LIMCH1: variants seen among roughly 807,000 people sequenced by gnomAD.
LIMCH1 encodes the protein LIM and calponin homology domains 1.
LIMCH1 carries 113 observed loss-of-function variants against 176.5 expected under a neutral mutation model. The observed-to-expected ratio is 0.64, with a 90% CI of 0.55 to 0.75. LIMCH1 has a LOEUF of 0.75. Among genes scored for constraint, LIMCH1 ranks in the 30% least tolerant of loss-of-function variants. The probability of loss-of-function intolerance (pLI) is 0.00; values close to 1 mark genes in which losing one functional copy is unlikely to be tolerated. For missense variants in LIMCH1, 1,674 were observed against 1,814.9 expected (o/e 0.92, Z 1.41); for synonymous variants, 619 against 645.9 (o/e 0.96, Z 0.63).
chr4:41,402,785 A>G (rs1345250018), intron 1 of LIMCH1, among the ~76,000 whole-genome samples: 2 of 137,962 alleles, frequency 1.4e-5, no homozygotes, highest in Admixed American at 7.9e-5. Flanking sequence ...ATGAGAACAC[A>G]TGGACACAGG....
intron 1 of LIMCH1, among the ~76,000 whole-genome samples, chr4:41,493,467 A>T (rs1219038504): frequency 6.6e-6 from 1 of 151,996 alleles, no homozygotes; most frequent in African/African-American, 2.4e-5. Flanking sequence ...AAAAAAAAGC[A>T]TCTGTTTTTG....
In LIMCH1 at chr4:41,626,841, G is replaced by A. The variant is rs1484026022; in HGVS notation, c.859G>A (p.Glu287Lys). 6.5e-7 allele frequency: 1 copy of A among 1,536,204 alleles called. No homozygotes were observed. Among genetic ancestry groups the A allele is most frequent in the Non-Finnish European group, 8.7e-7 (1 of 1,146,942 alleles). Residue 287 changes from glutamate (E) to lysine (K), a missense_variant, in exon 8 of 32, where the codon GAG becomes AAG. This residue lies in a region of LIMCH1 where 655 missense variants were observed against 692.2 expected (regional missense o/e 0.95). Coordinates refer to ENST00000503057, the MANE Select transcript of LIMCH1 (RefSeq NM_001330672.2). The stretch of plus-strand genomic sequence containing the variant: ...AGTTGTGTGTCGACTGCCTGATCTT[G>A]AGAAGGATGACTTTGCTGCAAGGAG... ...GEVVCRLPDL[E>K]KDDFAARRAR...
intron 1 of LIMCH1, among the ~76,000 whole-genome samples, chr4:41,541,771 A>G (rs1036490762): frequency 2.6e-5 from 4 of 152,200 alleles, no homozygotes; most frequent in African/African-American, 9.6e-5. Context: ...CATGTTTTAC[A>G]TGGCTGTGCT....
intron 20 of LIMCH1, among the ~76,000 whole-genome samples, chr4:41,665,798 A>G (rs1560294098): frequency 6.6e-6 from 1 of 152,252 alleles, no homozygotes; most frequent in Non-Finnish European, 1.5e-5. Flanking sequence ...GCTAATCAGA[A>G]GCAACAAACC....
chr4:41,589,816 C>T (rs145421666), intron 1 of LIMCH1, among the ~76,000 whole-genome samples: 70 of 152,288 alleles, frequency 4.6e-4, no homozygotes, highest in African/African-American at 1.6e-3. Flanking sequence ...TCTGCAGGGG[C>T]CTTGCTTCTC....
At chr4:41,526,274 T>C (rs2076645319) in intron 3 of LIMCH1, among the ~76,000 whole-genome samples, 1 of 151,514 alleles carries the variant, frequency 6.6e-6, no homozygotes, top group African/African-American at 2.4e-5. Flanking sequence ...TTTTTTTTTT[T>C]TTGCCCCTTT....
At chr4:41,536,987 G>C (rs1166077050), upstream of LIMCH1, among the ~76,000 whole-genome samples, 1 of 152,166 alleles carries the variant, frequency 6.6e-6, no homozygotes, top group African/African-American at 2.4e-5. Context: ...CTGAAACTCT[G>C]CATATTATCT....
chr4:41,384,163 T>A (rs978544951), intron 1 of LIMCH1, among the ~76,000 whole-genome samples: 1 of 150,344 alleles, frequency 6.7e-6, no homozygotes, highest in Non-Finnish European at 1.5e-5. Flanking sequence ...GAGTGGGAGG[T>A]GAGAGGGATT....
chr4:41,601,182 T>C (rs2089857048), intron 2 of LIMCH1, among the ~76,000 whole-genome samples: 1 of 152,194 alleles, frequency 6.6e-6, no homozygotes. Context: ...ACTAGAGAAA[T>C]AGAATGAACT....
At chr4:41,598,522 C>A (rs2089331963) in intron 1 of LIMCH1, among the ~76,000 whole-genome samples, 2 of 150,778 alleles carry the variant, frequency 1.3e-5, no homozygotes, top group Admixed American at 6.6e-5. Flanking sequence ...AGATGAAAAA[C>A]CTTTTTAAAA....
At chr4:41,499,103 A>G (rs2072747432) in intron 2 of LIMCH1, among the ~76,000 whole-genome samples, 1 of 152,246 alleles carries the variant, frequency 6.6e-6, no homozygotes, top group African/African-American at 2.4e-5. Context: ...TGGGCAGTGC[A>G]AAATGCTATT....
intron 27 of LIMCH1, 28 bp downstream of exon 27, chr4:41,684,546 C>T (rs1719006877): frequency 2.5e-6 from 4 of 1,609,870 alleles, no homozygotes; most frequent in Non-Finnish European, 3.4e-6. Context: ...CAGTTTCATT[C>T]AATGTTTAAA....
chr4:41,699,462 C>G lies in LIMCH1; in HGVS notation c.*2277C>G, dbSNP rs528651621. On this transcript the variant is annotated 3_prime_UTR_variant, in exon 32 of 32. Coordinates refer to ENST00000503057, the MANE Select transcript of LIMCH1 (RefSeq NM_001330672.2). ...TTCTATTTATATTTGATTTATATTTCATTTGGAGTCTGTTACATGGCAGCT... is the reference window on the plus strand; with the variant it reads ...TTCTATTTATATTTGATTTATATTTGATTTGGAGTCTGTTACATGGCAGCT... The G allele has an allele frequency of 6.6e-6, 1 of 152,116 alleles. No individual in the cohort carries two copies. The highest frequency in any genetic ancestry group is 2.1e-4 in the South Asian group (1 of 4,822). The allele number at this position is 152,116 out of a possible 1,614,324, so 9.4% of individuals were successfully genotyped here.
intron 18 of LIMCH1, among the ~76,000 whole-genome samples, chr4:41,655,916 C>T (rs1388217251): frequency 2.0e-5 from 3 of 152,060 alleles, no homozygotes; most frequent in Admixed American, 2.0e-4. Context: ...AGACTCCCAC[C>T]CATCGACCCC....
chr4:41,660,263 C>T (rs1313441863), intron 18 of LIMCH1, among the ~76,000 whole-genome samples: 5 of 151,992 alleles, frequency 3.3e-5, no homozygotes, highest in Non-Finnish European at 2.9e-5. Flanking sequence ...AATCATTCCC[C>T]AATTATTGGA....
chr4:41,477,276 G>A (rs952681753), intron 1 of LIMCH1, among the ~76,000 whole-genome samples: 2 of 152,138 alleles, frequency 1.3e-5, no homozygotes, highest in Admixed American at 6.5e-5. Context: ...AATTAGAAAA[G>A]GCAGCTCCCC....
rs146271337 is a variant in LIMCH1 at position 41,462,440 on chromosome 4, T to G, written c.97-32096T>G. On this transcript the variant is annotated intron_variant, in intron 1 of 26. Coordinates refer to the LIMCH1 transcript ENST00000313860. ...TGAATAGATTACAATCCAGGAGATA[T>G]CTCAAGAAGAAAAAAGTTCTAACAT... Among the ~76,000 whole-genome samples the G allele has an allele frequency of 2.2e-4, 33 of 152,270 alleles. No homozygotes were observed. In the East Asian group the frequency reaches 5.4e-3, roughly 25 times the overall value.
intron 1 of LIMCH1, among the ~76,000 whole-genome samples, chr4:41,387,688 G>A (rs897925202): frequency 6.6e-6 from 1 of 152,248 alleles, no homozygotes. Context: ...ATCCACACCA[G>A]TTTAGTGAAA....
intron 13 of LIMCH1, among the ~76,000 whole-genome samples, chr4:41,636,228 G>A (rs1481240093): frequency 1.4e-5 from 2 of 146,096 alleles, no homozygotes; most frequent in African/African-American, 2.5e-5. Flanking sequence ...AAACTTTATT[G>A]ACTTTTTTTT....
Sources: gnomAD v4.1 joint callset for allele counts (sites outside exome capture counted in the v4.1 genomes callset) on GRCh38, gnomAD v4.1.1 for gene constraint, gnomAD v4.1.1 regional missense constraint, MANE v1.5 for transcripts, NCBI Gene and HGNC (gene_info 2026-07-23, HGNC 2026-07-21) for gene names.